Variants in L1TD1 observed in about 807,000 individuals in gnomAD.
The protein encoded by L1TD1 is LINE-1 type transposase domain-containing protein 1.
Under a neutral mutation model 25.7 loss-of-function variants are expected in L1TD1, and 26 were observed. The ratio of observed to expected loss-of-function variants is 1.01; its 90% confidence interval spans 0.74 to 1.40. L1TD1 has a LOEUF of 1.40. Among genes scored for constraint, L1TD1 ranks in the 40% most tolerant of loss-of-function variants. L1TD1 has a pLI of 0.00. For synonymous variants in L1TD1, 421 were observed against 335.6 expected, an observed-to-expected ratio of 1.25 and a Z score of -2.78; for missense variants, 1,130 against 975.0, an observed-to-expected ratio of 1.16 and a Z score of -2.12.
intron 2 of L1TD1, among the ~76,000 whole-genome samples, chr1:62,205,230 C>T (rs908268741): frequency 2.6e-4 from 39 of 150,802 alleles, no homozygotes; most frequent in Non-Finnish European, 1.6e-4. Flanking sequence ...CCCAGCTACT[C>T]GGGAGGCTGA....
chr1:62,211,540 T>G lies in L1TD1; in HGVS notation c.*168T>G. ...ATATTACCTAGATGTTAATAAAGGG[T>G]ATGTTTAAAAAAAATAGGCTGGTCT... On this transcript the variant is annotated 3_prime_UTR_variant, in exon 4 of 4. Coordinates refer to ENST00000498273, the MANE Select transcript of L1TD1 (RefSeq NM_019079.5). 1 of 1,172,900 alleles carries G rather than the reference T, an allele frequency of 8.5e-7. No individual in the cohort carries two copies. Among genetic ancestry groups the G allele is most frequent in the Non-Finnish European group, 1.1e-6 (1 of 876,824 alleles). The allele number at this position is 1,172,900 out of a possible 1,614,324, so 72.7% of individuals were successfully genotyped here.
chr1:62,200,895 A>T (rs1022091407), intron 2 of L1TD1, among the ~76,000 whole-genome samples: 10 of 151,916 alleles, frequency 6.6e-5, no homozygotes, highest in Non-Finnish European at 2.9e-5. Flanking sequence ...AAAATATTTT[A>T]TTTAGTTTTA....
chr1:62,210,109 C>G lies in L1TD1; in HGVS notation c.1335C>G (p.Thr445=), dbSNP rs537734097. Residue 445 remains threonine, a synonymous_variant, in exon 4 of 4, where the codon ACC becomes ACG. Coordinates refer to ENST00000498273, the MANE Select transcript of L1TD1 (RefSeq NM_019079.5). ...AACAGACTTCAGAACAGGACTCAACCTTTCAGGGTCATACTTTGGTAGATG... is the reference window on the plus strand; with the variant it reads ...AACAGACTTCAGAACAGGACTCAACGTTTCAGGGTCATACTTTGGTAGATG... ...EEEQTSEQDS[T]FQGHTLVDAK... 23 of 1,613,962 alleles carry G rather than the reference C, an allele frequency of 1.4e-5. No individual in the cohort carries two copies. The Admixed American group carries it at 3.7e-4, about 26-fold the overall frequency.
intron 1 of L1TD1, among the ~76,000 whole-genome samples, chr1:62,195,493 C>T (rs1265129784): frequency 1.3e-5 from 2 of 152,258 alleles, no homozygotes; most frequent in East Asian, 1.9e-4. Flanking sequence ...GTGGCTCACG[C>T]CTGTAATCCC....
Position 62,207,387 on chromosome 1 carries a change from A to G in L1TD1, c.759A>G (p.Thr253=). ...TGGTAGCCGACCTTTCATCAGCAAC[A>G]CTGGATATTAGTAAGCAATGGAGTA... ...LTLVADLSSA[T]LDISKQWSNV... Residue 253 remains threonine, a synonymous_variant, in exon 3 of 4, where the codon ACA becomes ACG. Coordinates refer to ENST00000498273, the MANE Select transcript of L1TD1 (RefSeq NM_019079.5). 2 of 1,551,662 alleles carry G rather than the reference A, an allele frequency of 1.3e-6. No homozygotes were observed. Among genetic ancestry groups the G allele is most frequent in the Non-Finnish European group, 1.7e-6 (2 of 1,146,940 alleles).
chr1:62,210,586 C>T lies in L1TD1; in HGVS notation c.1812C>T (p.Ser604=). The part of the protein sequence containing the change: ...HRTLHTEELT[S]KEADLTEETE... The stretch of plus-strand genomic sequence containing the variant: ...CTCTGCACACAGAAGAACTAACATC[C>T]AAAGAAGCAGACTTAACAGAGGAAA... Residue 604 remains serine (S), a synonymous_variant, in exon 4 of 4, where the codon TCC becomes TCT. Coordinates refer to ENST00000498273, the MANE Select transcript of L1TD1 (RefSeq NM_019079.5). 2.5e-6 allele frequency: 4 copies of T among 1,612,440 alleles called. No individual in the cohort carries two copies. Among genetic ancestry groups the T allele is most frequent in the Non-Finnish European group, 3.4e-6 (4 of 1,179,268 alleles).
In L1TD1 at chr1:62,205,415, CTCTATATATATA is replaced by C. The variant is rs1176358428; in HGVS notation, c.-110-1102_-110-1091del. On this transcript the variant is annotated intron_variant, in intron 2 of 3. Coordinates refer to ENST00000498273, the MANE Select transcript of L1TD1 (RefSeq NM_019079.5). ...TCTCTCTCTCTCTCTCTCTCTCTCT[CTCTATATATATA>C]TATATATATATATATATTTTTTTTT... Among the ~76,000 whole-genome samples, 34 of 33,892 alleles carry C rather than the reference CTCTATATATATA, an allele frequency of 1.0e-3. 1 individual carries two copies. In the East Asian group the frequency reaches 0.019, roughly 19 times the overall value. 22.2% of individuals were successfully genotyped at this position (33,892 alleles called of 152,430 possible).
intron 3 of L1TD1, among the ~76,000 whole-genome samples, chr1:62,208,811 CAT>C (rs1670803718): frequency 6.6e-6 from 1 of 152,266 alleles, no homozygotes. Flanking sequence ...TATTTTTTTA[CAT>C]GTTTTCAAAT....
intron 2 of L1TD1, among the ~76,000 whole-genome samples, chr1:62,197,572 G>A (rs943926085): frequency 3.3e-5 from 5 of 151,920 alleles, no homozygotes; most frequent in African/African-American, 1.2e-4. Flanking sequence ...GGCCTCAAGT[G>A]CTCCTGCTGC....
Position 62,210,817 on chromosome 1 carries a change from C to A in L1TD1, c.2043C>A (p.Thr681=), listed in dbSNP as rs1322296117. 5 of 1,549,048 alleles carry A rather than the reference C, an allele frequency of 3.2e-6. No homozygotes were observed. The East Asian group carries it at 1.2e-4, about 38-fold the overall frequency. The change falls in exon 4 of 4, where the codon ACC becomes ACA. Residue 681 remains threonine, a synonymous_variant. Coordinates refer to ENST00000498273, the MANE Select transcript of L1TD1 (RefSeq NM_019079.5). The part of the protein sequence containing the change: ...EEFSKDTMQM[T]KQIISKERQR... ...TCTCTAAGGATACAATGCAAATGAC[C>A]AAACAGATAATTAGTAAAGAAAGGC...
chr1:62,199,083 C>T (rs1363787809), intron 2 of L1TD1, among the ~76,000 whole-genome samples: 1 of 152,172 alleles, frequency 6.6e-6, no homozygotes, highest in Non-Finnish European at 1.5e-5. Flanking sequence ...TCTTCTTGAT[C>T]AGGGATTTTG....
intron 2 of L1TD1, among the ~76,000 whole-genome samples, chr1:62,205,977 CA>C (rs1347255164): frequency 1.3e-5 from 2 of 152,136 alleles, no homozygotes; most frequent in Non-Finnish European, 2.9e-5. Context: ...GTGATCCTCC[CA>C]CCTCAACCTC....
rs1261055805 is a variant in L1TD1 at position 62,205,443 on chromosome 1, A to ATTTTTTTTTTTTTTT, written c.-110-1067_-110-1066insTTTTTTTTTTTTTTT. Among the ~76,000 whole-genome samples the ATTTTTTTTTTTTTTT allele has an allele frequency of 8.3e-4, 53 of 63,626 alleles. 2 individuals carry two copies. The highest frequency in any genetic ancestry group is 6.2e-4 in the African/African-American group (11 of 17,766). The allele number at this position is 63,626 out of a possible 152,430, so 41.7% of individuals were successfully genotyped here. ...TATATATATATATATATATATATATATTTTTTTTTAGACAGTCTTGCTGTG... is the reference window on the plus strand; with the variant it reads ...TATATATATATATATATATATATATATTTTTTTTTTTTTTTTTTTTTTTTAGACAGTCTTGCTGTG... On this transcript the variant is annotated intron_variant, in intron 2 of 3. Transcript: ENST00000498273.
Position 62,207,015 on chromosome 1 carries a change from T to C in L1TD1, c.387T>C (p.Asp129=), listed in dbSNP as rs1570928650. ...GAGAAAACTCTAAAATAGGTGATGA[T>C]AATGAAAATTTAACCTTTAAATTAG... ...IEGENSKIGD[D]NENLTFKLEV... is the part of the protein sequence containing the mutation. Residue 129 remains aspartate, a synonymous_variant, in exon 3 of 4, where the codon GAT becomes GAC. Coordinates refer to ENST00000498273, the MANE Select transcript of L1TD1 (RefSeq NM_019079.5). 6.2e-7 allele frequency: 1 copy of C among 1,613,296 alleles called. No individual in the cohort carries two copies. The highest frequency in any genetic ancestry group is 8.5e-7 in the Non-Finnish European group (1 of 1,179,794).
chr1:62,200,539 T>C (rs1370928899), intron 2 of L1TD1, among the ~76,000 whole-genome samples: 2 of 152,094 alleles, frequency 1.3e-5, no homozygotes, highest in African/African-American at 4.8e-5. Flanking sequence ...TTATATCTAT[T>C]CTATATAATC....
At chr1:62,198,538 C>G (rs1368299622) in intron 2 of L1TD1, among the ~76,000 whole-genome samples, 3 of 151,792 alleles carry the variant, frequency 2.0e-5, no homozygotes, top group African/African-American at 4.8e-5. Context: ...CGCCCCACCC[C>G]GCCGATAAGA....
intron 2 of L1TD1, among the ~76,000 whole-genome samples, chr1:62,199,854 A>G (rs1570921462): frequency 6.6e-6 from 1 of 152,128 alleles, no homozygotes; most frequent in African/African-American, 2.4e-5. Flanking sequence ...GCCAGGGTGG[A>G]TATTTGCCCC....
chr1:62,210,061 C>T lies in L1TD1; in HGVS notation c.1287C>T (p.Ala429=), dbSNP rs1234945836. ...CTTCAGGGTTGGAGGAGGATGAGGC[C>T]TCAGGGCTAGAGGAGGAAGAGGAAC... ...EEASGLEEDE[A]SGLEEEEEQT... The change falls in exon 4 of 4, where the codon GCC becomes GCT. Residue 429 remains alanine, a synonymous_variant. Transcript: ENST00000498273. The T allele has an allele frequency of 2.5e-6, 4 of 1,613,608 alleles. No individual in the cohort carries two copies. In the Admixed American group the frequency reaches 5.0e-5, roughly 20 times the overall value.
In L1TD1 at chr1:62,205,437, A is replaced by ATTTTTTTTTTT. The variant is rs1169759217; in HGVS notation, c.-110-1081_-110-1080insTTTTTTTTTTT. 9.7e-4 allele frequency among the ~76,000 whole-genome samples: 41 copies of ATTTTTTTTTTT among 42,432 alleles called. 2 individuals carry two copies. Among genetic ancestry groups the ATTTTTTTTTTT allele is most frequent in the Non-Finnish European group, 1.2e-3 (27 of 21,814 alleles). 27.8% of individuals were successfully genotyped at this position (42,432 alleles called of 152,430 possible). Reference sequence around the variant, plus strand: ...TCTCTCTATATATATATATATATATATATATATTTTTTTTTAGACAGTCTT... The same window carrying ATTTTTTTTTTT: ...TCTCTCTATATATATATATATATATATTTTTTTTTTTTATATATTTTTTTTTAGACAGTCTT... On this transcript the variant is annotated intron_variant, in intron 2 of 3. Coordinates refer to ENST00000498273, the MANE Select transcript of L1TD1 (RefSeq NM_019079.5).
Sources: allele counts gnomAD v4.1 joint callset (sites outside exome capture counted in the v4.1 genomes callset), GRCh38; gene constraint gnomAD v4.1.1; transcripts MANE v1.5; gene names NCBI Gene and HGNC (gene_info 2026-07-23, HGNC 2026-07-21).